Variants in WDR1 observed in about 807,000 individuals in gnomAD.
The protein encoded by WDR1 is WD repeat domain 1, also known as WD repeat-containing protein 1.
WDR1 carries 21 observed loss-of-function variants against 71.9 expected under a neutral mutation model. The observed-to-expected ratio is 0.29, with a 90% confidence interval of 0.21 to 0.42. The LOEUF is 0.42. Among genes scored for constraint, WDR1 ranks in the 10% least tolerant of loss-of-function variants. The pLI, the probability that WDR1 is intolerant of heterozygous loss-of-function variation, is 1.00. For synonymous variants in WDR1, 424 were observed against 347.4 expected, an observed-to-expected ratio of 1.22 and a Z score of -2.45; for missense variants, 696 against 824.5, an observed-to-expected ratio of 0.84 and a Z score of 1.91.
chr4:10,078,849 A>G, intron 12 of WDR1, 42 bp downstream of exon 12: 2 of 1,548,856 alleles, frequency 1.3e-6, no homozygotes, highest in Non-Finnish European at 1.8e-6. Context: ...AATCACCCAG[A>G]TACCAAGGAC....
At chr4:10,104,657 C>T (rs539094885) in intron 2 of WDR1, among the ~76,000 whole-genome samples, 9 of 152,302 alleles carry the variant, frequency 5.9e-5, no homozygotes, top group African/African-American at 1.9e-4. Context: ...TAGATCCCTG[C>T]GCCTCCCTCC....
chr4:10,078,836 C>T (rs1225308003), intron 12 of WDR1, 55 bp downstream of exon 12: 7 of 1,484,294 alleles, frequency 4.7e-6, no homozygotes, highest in Non-Finnish European at 6.5e-6. Context: ...CACACTGTCC[C>T]CAAATCACCC....
intron 11 of WDR1, 98 bp downstream of exon 11, chr4:10,081,259 C>T (rs1765002851): frequency 2.5e-6 from 3 of 1,184,596 alleles, no homozygotes; most frequent in African/African-American, 3.0e-5. Flanking sequence ...AACCAAAACA[C>T]TGGCTAGAGC....
In WDR1 at chr4:10,116,164, G is replaced by A. The variant is rs543069143; in HGVS notation, c.87C>T (p.Gly29=). 3 of 1,613,722 alleles carry A rather than the reference G, an allele frequency of 1.9e-6. No homozygotes were observed. Among genetic ancestry groups the A allele is most frequent in the Admixed American group, 3.3e-5 (2 of 60,004 alleles). ...VSKIIGGDPK[G]NNFLYTNGKC... ...TTCCATTGGTGTACAGAAAATTGTT[G>A]CCCTTAGGGTCGCCGCCGATGATCT... Residue 29 remains glycine, a synonymous_variant, in exon 2 of 15, where the codon GGC becomes GGT. Transcript: ENST00000499869.
At chr4:10,089,055 C>T (rs1200346028) in intron 5 of WDR1, among the ~76,000 whole-genome samples, 10 of 152,216 alleles carry the variant, frequency 6.6e-5, no homozygotes, top group Non-Finnish European at 5.9e-5. Flanking sequence ...TCCCTCTGGG[C>T]TCTGAAAGAG....
intron 8 of WDR1, among the ~76,000 whole-genome samples, chr4:10,087,461 C>G (rs1711658740): frequency 6.6e-6 from 1 of 152,268 alleles, no homozygotes; most frequent in African/African-American, 2.4e-5. Flanking sequence ...TCACTAGGCC[C>G]TGACTCTCCA....
intron 4 of WDR1, 113 bp downstream of exon 4, chr4:10,098,879 C>T: frequency 1.3e-6 from 2 of 1,493,060 alleles, no homozygotes; most frequent in South Asian, 2.5e-5. Flanking sequence ...GGAGCTCAAC[C>T]CTCACGAGTG....
At chr4:10,098,377 G>A (rs1712483690) in intron 4 of WDR1, among the ~76,000 whole-genome samples, 2 of 152,248 alleles carry the variant, frequency 1.3e-5, no homozygotes. Flanking sequence ...ACATGTACGA[G>A]AAAGTGCCAT....
chr4:10,075,756 C>T, intron 14 of WDR1: 1 of 542,908 alleles, frequency 1.8e-6, no homozygotes, highest in Non-Finnish European at 3.3e-6. Flanking sequence ...CAGTGGCTCC[C>T]TCTCTCCAAG....
intron 3 of WDR1, 45 bp from the exon 4 acceptor site, chr4:10,099,184 G>GGGGGGTGGGT: frequency 2.2e-6 from 1 of 450,124 alleles, no homozygotes; most frequent in Non-Finnish European, 4.0e-6. Context: ...CGGTGGTGGG[G>GGGGGGTGGGT]TAAAGGGCAG....
intron 9 of WDR1, 87 bp downstream of exon 9, chr4:10,084,356 G>C (rs1765127431): frequency 7.9e-7 from 1 of 1,268,826 alleles, no homozygotes; most frequent in African/African-American, 1.5e-5. Flanking sequence ...GAGCCACCTG[G>C]CTGGCCTGGC....
At chr4:10,091,302 CT>C (rs2109663648) in intron 5 of WDR1, among the ~76,000 whole-genome samples, 1 of 152,322 alleles carries the variant, frequency 6.6e-6, no homozygotes, top group African/African-American at 2.4e-5. Context: ...GGTCTGTGTT[CT>C]AAGTTTTCTA....
At chr4:10,080,768 C>T (rs925565454) in intron 11 of WDR1, among the ~76,000 whole-genome samples, 5 of 152,256 alleles carry the variant, frequency 3.3e-5, no homozygotes, top group African/African-American at 1.2e-4. Flanking sequence ...GGTGGCCCCA[C>T]TGTCTGGGGT....
intron 9 of WDR1, among the ~76,000 whole-genome samples, chr4:10,083,912 G>C (rs1016062351): frequency 6.6e-6 from 1 of 152,222 alleles, no homozygotes; most frequent in Non-Finnish European, 1.5e-5. Context: ...ATCACCGAAG[G>C]GCCACAAGGC....
At chr4:10,085,737 C>T (rs1322135626) in intron 8 of WDR1, among the ~76,000 whole-genome samples, 1 of 152,252 alleles carries the variant, frequency 6.6e-6, no homozygotes, top group Non-Finnish European at 1.5e-5. Context: ...CCTCTGGGGG[C>T]GTCAGCAGCC....
chr4:10,098,970 G>A (rs1411138099), intron 4 of WDR1, 22 bp downstream of exon 4: 3 of 1,613,774 alleles, frequency 1.9e-6, no homozygotes, highest in Admixed American at 1.7e-5. Context: ...AGGGCAGGGA[G>A]GGGCTGAGAG....
At chr4:10,113,284 C>A (rs181267923) in intron 2 of WDR1, among the ~76,000 whole-genome samples, 1 of 152,128 alleles carries the variant, frequency 6.6e-6, no homozygotes, top group Non-Finnish European at 1.5e-5. Context: ...TTGCCTGAAC[C>A]CGGCAGGTGG....
At position 10,087,888 on chromosome 4, in the gene WDR1, G is replaced by T; in HGVS notation, c.770C>A (p.Thr257Asn). The T allele has an allele frequency of 6.4e-7, 1 of 1,564,162 alleles. No homozygotes were observed. Among genetic ancestry groups the T allele is most frequent in the Non-Finnish European group, 8.7e-7 (1 of 1,153,452 alleles). The change falls in exon 8 of 15, where the codon ACT (threonine) becomes AAT (asparagine). Residue 257 changes from threonine to asparagine, a missense_variant. By Grantham distance (65) the Thr-to-Asn change is moderately conservative. Transcript: ENST00000499869. Reference protein sequence around the residue: ...THLLSASGDKTSKIWDVSVNS... With the variant: ...THLLSASGDKNSKIWDVSVNS... ...CACGCTGACGTCCCAAATCTTGGAA[G>T]TTTTGTCCCCAGAAGCAGAAAGCAA... is the stretch of plus-strand genomic sequence containing the variant.
intron 1 of WDR1, 89 bp downstream of exon 1, chr4:10,116,562 C>T: frequency 6.8e-6 from 7 of 1,031,130 alleles, no homozygotes; most frequent in Non-Finnish European, 8.3e-6. Context: ...GCCGAGGACT[C>T]CCCCGCCACC....
Sources: gnomAD v4.1 joint callset for allele counts (sites outside exome capture counted in the v4.1 genomes callset) on GRCh38, gnomAD v4.1.1 for gene constraint, MANE v1.5 for transcripts, NCBI Gene and HGNC (gene_info 2026-07-23, HGNC 2026-07-21) for gene names.